The following CCDC146 variants were observed in gnomAD, a reference collection of about 807,000 sequenced individuals.
CCDC146 encodes the protein coiled-coil domain-containing protein 146.
A neutral mutation model predicts 119.3 loss-of-function variants in CCDC146; 92 were observed. That is an observed-to-expected ratio of 0.77 (90% CI 0.65 to 0.92). The LOEUF is 0.92. Ranked by LOEUF, CCDC146 falls within the 40% of genes least tolerant of loss-of-function variation. The pLI, the probability that CCDC146 is intolerant of heterozygous loss-of-function variation, is 0.00. For synonymous variants in CCDC146, 372 were observed against 371.8 expected (o/e 1.00, Z -0.01); for missense variants, 1,000 against 1,103.0 (o/e 0.91, Z 1.32).
At chr7:77,182,729 A>C (rs1376733003) in intron 2 of CCDC146, among the ~76,000 whole-genome samples, 1 of 152,156 alleles carries the variant, frequency 6.6e-6, no homozygotes, top group East Asian at 1.9e-4. Flanking sequence ...TGGGAGACAG[A>C]GGTTGCATGA....
chr7:77,255,995 A>AT (rs1342558973), intron 5 of CCDC146, among the ~76,000 whole-genome samples: 2 of 152,160 alleles, frequency 1.3e-5, no homozygotes, highest in South Asian at 2.1e-4. Context: ...CAGACTGTAC[A>AT]TTTTTTTTCA....
intron 2 of CCDC146, among the ~76,000 whole-genome samples, chr7:77,222,317 G>T (rs1792420554): frequency 6.6e-6 from 1 of 152,200 alleles, no homozygotes; most frequent in Admixed American, 6.5e-5. Flanking sequence ...GGCACTCGGG[G>T]ATGCCTCCAT....
At chr7:77,201,311 G>A (rs1321121321) in intron 2 of CCDC146, among the ~76,000 whole-genome samples, 2 of 151,940 alleles carry the variant, frequency 1.3e-5, no homozygotes, top group African/African-American at 2.4e-5. Flanking sequence ...GGAGGCCGAG[G>A]CATGTGGATC....
chr7:77,260,038 A>G lies in CCDC146; in HGVS notation c.788A>G (p.Glu263Gly). Residue 263 changes from glutamate (E) to glycine (G), a missense_variant, in exon 8 of 19, where the codon GAA (glutamate) becomes GGA (glycine). This residue lies in a region of CCDC146 where 985 missense variants were observed against 1,045.3 expected (regional missense o/e 0.94). Transcript: ENST00000285871. ...ATGGAAAAGAAAAAAATTGTCTTGGAACAAGAAGTCAAAACGCTAAATGAC... is the reference window on the plus strand; with the variant it reads ...ATGGAAAAGAAAAAAATTGTCTTGGGACAAGAAGTCAAAACGCTAAATGAC... The part of the protein sequence containing the change: ...VEMEKKKIVL[E>G]QEVKTLNDSL... 6.2e-7 allele frequency: 1 copy of G among 1,612,604 alleles called. No individual in the cohort carries two copies. The highest frequency in any genetic ancestry group is 1.3e-5 in the African/African-American group (1 of 74,846).
intron 8 of CCDC146, among the ~76,000 whole-genome samples, chr7:77,260,660 C>T (rs1464524876): frequency 1.3e-5 from 2 of 152,192 alleles, no homozygotes; most frequent in East Asian, 1.9e-4. Flanking sequence ...TGGAGTCTTG[C>T]TCTGTCGCCA....
At chr7:77,170,628 A>T (rs1164797553) in intron 2 of CCDC146, among the ~76,000 whole-genome samples, 1 of 152,250 alleles carries the variant, frequency 6.6e-6, no homozygotes, top group African/African-American at 2.4e-5. Flanking sequence ...GTAAAAAGAC[A>T]ATCTACAGAA....
chr7:77,191,271 T>C (rs904754211), intron 2 of CCDC146, among the ~76,000 whole-genome samples: 2 of 152,222 alleles, frequency 1.3e-5, no homozygotes, highest in African/African-American at 4.8e-5. Flanking sequence ...GAGGACTTAC[T>C]GTATTTGATC....
intron 9 of CCDC146, among the ~76,000 whole-genome samples, chr7:77,268,537 C>T (rs565975472): frequency 1.3e-5 from 2 of 152,260 alleles, no homozygotes; most frequent in East Asian, 1.9e-4. Flanking sequence ...TTGCTGATGC[C>T]CTTCACCTCT....
At position 77,196,858 on chromosome 7, in the gene CCDC146, C is replaced by A. The variant is rs548765525; in HGVS notation, c.156+29034C>A. ...CCTGCAGCACTGTCCAGCCTCCCCC[C>A]ATGGTCTCCATGTCACAGTAAACTT... On this transcript the variant is annotated intron_variant, in intron 2 of 18. Coordinates refer to ENST00000285871, the MANE Select transcript of CCDC146 (RefSeq NM_020879.3). The surrounding 1 kb of genome is among the most constrained non-coding windows in gnomAD (Gnocchi z 4.2). The A allele has an allele frequency of 7.4e-6, 12 of 1,613,928 alleles. No individual in the cohort carries two copies. The highest frequency in any genetic ancestry group is 1.6e-4 in the Middle Eastern group (1 of 6,084).
rs374828039 is a variant in CCDC146, at chr7:77,273,807, T to C, written c.1269+18T>C. The stretch of plus-strand genomic sequence containing the variant: ...CCCAACAGGTTAATATCAATGCTCA[T>C]TTAAGCTTCTATCTAAGAAGCGTTC... On this transcript the variant is annotated intron_variant, in intron 10 of 18. Transcript: ENST00000285871. 3.2e-5 allele frequency: 48 copies of C among 1,502,240 alleles called. No individual in the cohort carries two copies. The East Asian group carries it at 8.2e-4, about 26-fold the overall frequency. 93.1% of individuals were successfully genotyped at this position (1,502,240 alleles called of 1,614,324 possible).
chr7:77,192,441 G>A (rs1791785532), intron 2 of CCDC146, among the ~76,000 whole-genome samples: 2 of 152,112 alleles, frequency 1.3e-5, no homozygotes, highest in Admixed American at 1.3e-4. Flanking sequence ...TGGGTGATAA[G>A]ACAAAACCCA....
chr7:77,226,644 T>A (rs1012255403), intron 2 of CCDC146, among the ~76,000 whole-genome samples: 1 of 152,238 alleles, frequency 6.6e-6, no homozygotes, highest in African/African-American at 2.4e-5. Context: ...GAATCTATTG[T>A]GAAATCATAT....
chr7:77,253,744 G>T lies in CCDC146; in HGVS notation c.450-762G>T, dbSNP rs549040930. Among the ~76,000 whole-genome samples the T allele has an allele frequency of 5.3e-5, 8 of 152,330 alleles. No individual in the cohort carries two copies. The East Asian group carries it at 1.5e-3, about 29-fold the overall frequency. On this transcript the variant is annotated intron_variant, in intron 4 of 18. Coordinates refer to ENST00000285871, the MANE Select transcript of CCDC146 (RefSeq NM_020879.3). ...AGCAAAACAAGGAAAGAGTTTTGAG[G>T]ACTATTGGTACTGTTTTAGATAGAT... is the stretch of plus-strand genomic sequence containing the variant.
At chr7:77,188,812 AAAAT>A (rs1791712135) in intron 2 of CCDC146, among the ~76,000 whole-genome samples, 1 of 152,202 alleles carries the variant, frequency 6.6e-6, no homozygotes, top group African/African-American at 2.4e-5. Context: ...AACGTAATCT[AAAAT>A]AAGTATCTAT....
In CCDC146 at chr7:77,243,902, A is replaced by G. The variant is rs568394913; in HGVS notation, c.449+2002A>G. ...TTATTGTTGTTGTTTGTTTTGAGAC[A>G]GAGTCGTGCTCTGTCGCCCAGGCTG... On this transcript the variant is annotated intron_variant, in intron 4 of 18. Transcript: ENST00000285871. Among the ~76,000 whole-genome samples the G allele has an allele frequency of 5.3e-5, 8 of 152,264 alleles. No homozygotes were observed. In the East Asian group the frequency reaches 1.5e-3, roughly 29 times the overall value.
At chr7:77,229,274 T>A (rs1792575570) in intron 2 of CCDC146, among the ~76,000 whole-genome samples, 1 of 152,190 alleles carries the variant, frequency 6.6e-6, no homozygotes, top group Admixed American at 6.5e-5. Flanking sequence ...TGTAGGTCAT[T>A]TAATCTGTTG....
At chr7:77,286,344 G>A (rs990770909) in intron 15 of CCDC146, among the ~76,000 whole-genome samples, 7 of 152,130 alleles carry the variant, frequency 4.6e-5, no homozygotes, top group African/African-American at 1.2e-4. Context: ...CATTCATGAA[G>A]GCCCCATCCT....
rs779921155 is a variant in CCDC146 at position 77,199,340 on chromosome 7, T to TG, written c.156+31517dup. ...TTCTCCAGGCGACCATGAAGTACATTGATCTCCTCTTTGGCATTCTTTAGC... is the reference window on the plus strand; with the variant it reads ...TTCTCCAGGCGACCATGAAGTACATTGGATCTCCTCTTTGGCATTCTTTAGC... On this transcript the variant is annotated intron_variant, in intron 2 of 18. Coordinates refer to ENST00000285871, the MANE Select transcript of CCDC146 (RefSeq NM_020879.3). 70 of 1,614,092 alleles carry TG rather than the reference T, an allele frequency of 4.3e-5. 1 individual carries two copies. The East Asian group carries it at 1.6e-3, about 36-fold the overall frequency.
At chr7:77,258,074 A>T (rs1418347279) in intron 6 of CCDC146, 2 of 152,300 alleles carry the variant, frequency 1.3e-5, no homozygotes, top group Non-Finnish European at 2.9e-5. Context: ...GCTGGGCCAG[A>T]ATACAGCTGC....
Sources: gnomAD v4.1 joint callset for allele counts (sites outside exome capture counted in the v4.1 genomes callset) on GRCh38, gnomAD v4.1.1 for gene constraint, gnomAD v4.1.1 regional missense constraint, Gnocchi (gnomAD v3.1) non-coding constraint, MANE v1.5 for transcripts, NCBI Gene and HGNC (gene_info 2026-07-23, HGNC 2026-07-21) for gene names.